The following SYPL1 variants were observed in gnomAD, a reference collection of about 807,000 sequenced individuals.
SYPL1 encodes the protein synaptophysin like 1.
SYPL1 carries 6 observed loss-of-function variants against 23.7 expected under a neutral mutation model. The ratio of observed to expected loss-of-function variants is 0.25; its 90% CI spans 0.14 to 0.50. SYPL1 has a LOEUF of 0.50. SYPL1 is among the 20% of genes least tolerant of loss of function. The pLI, the probability that SYPL1 is intolerant of heterozygous loss-of-function variation, is 0.98. For synonymous variants in SYPL1, 102 were observed against 104.5 expected (o/e 0.98, Z 0.15); for missense variants, 253 against 288.9 (o/e 0.88, Z 0.90).
chr7:106,092,013 C>T, intron 4 of SYPL1, 74 bp from the exon 5 acceptor site: 2 of 1,416,858 alleles, frequency 1.4e-6, no homozygotes, highest in South Asian at 2.7e-5. Flanking sequence ...AAAAATCTCA[C>T]TTTTTCTTTA....
At chr7:106,094,336 G>A (rs1291319143) in intron 3 of SYPL1, among the ~76,000 whole-genome samples, 3 of 152,182 alleles carry the variant, frequency 2.0e-5, no homozygotes, top group Non-Finnish European at 4.4e-5. Context: ...ATAAATACCA[G>A]TGATCTCTTA....
intron 1 of SYPL1, among the ~76,000 whole-genome samples, chr7:106,110,703 GAACTT>G (rs1425991474): frequency 6.6e-6 from 1 of 152,178 alleles, no homozygotes; most frequent in Non-Finnish European, 1.5e-5. Context: ...AAACACGAAT[GAACTT>G]ATCACTAGTG....
In SYPL1 at chr7:106,104,281, T is replaced by C. The variant is rs769038399; in HGVS notation, c.70-4999A>G. Among the ~76,000 whole-genome samples the C allele has an allele frequency of 6.6e-5, 10 of 152,220 alleles. No individual in the cohort carries two copies. The highest frequency in any genetic ancestry group is 1.0e-4 in the Non-Finnish European group (7 of 68,042). On this transcript the variant is annotated intron_variant, in intron 1 of 4. Coordinates refer to ENST00000455385, the MANE Select transcript of SYPL1 (RefSeq NM_182715.4). The surrounding 1 kb of genome is among the most constrained non-coding windows in gnomAD (Gnocchi z 4.1). ...AAATGGGGCCGGGTGCAGTGGCTTA[T>C]GCCTGTAATTCCAACACTTTGGGAG...
intron 1 of SYPL1, among the ~76,000 whole-genome samples, chr7:106,111,342 T>C (rs1012401217): frequency 5.9e-5 from 9 of 152,226 alleles, no homozygotes; most frequent in African/African-American, 2.2e-4. Context: ...GCCGCGAAGT[T>C]TGAAGGAAGC....
chr7:106,099,253 A>C lies in SYPL1; in HGVS notation c.99T>G (p.Cys33Trp). Residue 33 changes from cysteine to tryptophan, a missense_variant, in exon 2 of 5, where the codon TGT (cysteine) becomes TGG (tryptophan). Coordinates refer to ENST00000455385, the MANE Select transcript of SYPL1 (RefSeq NM_182715.4). ...TTTCTGTTTGGCCCTTAAAACCTCC[A>C]CAGGTGGCAAAAGCAAAGATAGAAG... Reference protein sequence around the residue: ...WIASIFAFATCGGFKGQTEIQ... With the variant: ...WIASIFAFATWGGFKGQTEIQ... The C allele has an allele frequency of 6.2e-7, 1 of 1,613,686 alleles. No homozygotes were observed. Among genetic ancestry groups the C allele is most frequent in the Non-Finnish European group, 8.5e-7 (1 of 1,179,912 alleles).
Position 106,106,417 on chromosome 7 carries a change from T to C in SYPL1, c.69+5723A>G, listed in dbSNP as rs947539164. Among the ~76,000 whole-genome samples, 13 of 151,988 alleles carry C rather than the reference T, an allele frequency of 8.6e-5. 1 individual carries two copies. Among genetic ancestry groups the C allele is most frequent in the Non-Finnish European group, 4.4e-5 (3 of 67,988 alleles). On this transcript the variant is annotated intron_variant, in intron 1 of 4. Coordinates refer to ENST00000455385, the MANE Select transcript of SYPL1 (RefSeq NM_182715.4). Reference sequence around the variant, plus strand: ...ATCAAAAAAAATTAGCTGGGTGTGGTGGTGGGCACCTGTAATCCCAGCTAC... The same window carrying C: ...ATCAAAAAAAATTAGCTGGGTGTGGCGGTGGGCACCTGTAATCCCAGCTAC...
In SYPL1 at chr7:106,104,805, C is replaced by T. The variant is rs747651654; in HGVS notation, c.70-5523G>A. On this transcript the variant is annotated intron_variant, in intron 1 of 4. Coordinates refer to ENST00000455385, the MANE Select transcript of SYPL1 (RefSeq NM_182715.4). The surrounding 1 kb of genome is among the most constrained non-coding windows in gnomAD (Gnocchi z 4.1). ...ATGAGGGCAAAATATCCAACTATCT[C>T]ACTTCTCCCTATATTCTACTGCTAT... 4.1e-4 allele frequency among the ~76,000 whole-genome samples: 63 copies of T among 152,178 alleles called. No individual in the cohort carries two copies. Among genetic ancestry groups the T allele is most frequent in the Admixed American group, 1.2e-3 (18 of 15,278 alleles).
At chr7:106,094,543 A>C (rs901002492) in intron 3 of SYPL1, among the ~76,000 whole-genome samples, 1 of 152,210 alleles carries the variant, frequency 6.6e-6, no homozygotes, top group Non-Finnish European at 1.5e-5. Flanking sequence ...AATATAGCTT[A>C]TATTTTCTGC....
rs1790185610 is a variant in SYPL1, at chr7:106,112,062, GC to G, written c.69+77del. 3 of 1,247,958 alleles carry G rather than the reference GC, an allele frequency of 2.4e-6. No individual in the cohort carries two copies. The African/African-American group carries it at 4.7e-5, about 19-fold the overall frequency. 77.3% of individuals were successfully genotyped at this position (1,247,958 alleles called of 1,614,324 possible). On this transcript the variant is annotated intron_variant, in intron 1 of 4. Transcript: ENST00000455385. ...GCCCGCGCGGCAGGGCTGCGTCCCG[GC>G]TCGCAGGTCCCCGTCTCCCCGCCTA... is the stretch of plus-strand genomic sequence containing the variant.
chr7:106,112,024 C>G, intron 1 of SYPL1, 116 bp downstream of exon 1: 2 of 1,142,124 alleles, frequency 1.8e-6, no homozygotes, highest in African/African-American at 3.3e-5. Flanking sequence ...AGTCCCGGGG[C>G]GGCGGCCTCA....
intron 1 of SYPL1, among the ~76,000 whole-genome samples, chr7:106,103,080 A>G (rs1013843690): frequency 2.0e-5 from 3 of 152,216 alleles, no homozygotes; most frequent in Non-Finnish European, 2.9e-5. Context: ...ACTAGTATAT[A>G]GATCTAAGAG....
At chr7:106,093,514 A>G (rs1201140329) in intron 3 of SYPL1, among the ~76,000 whole-genome samples, 7 of 152,092 alleles carry the variant, frequency 4.6e-5, no homozygotes, top group South Asian at 4.2e-4. Context: ...CCATTTTCCC[A>G]TAACACCTCT....
chr7:106,109,717 G>A lies in SYPL1; in HGVS notation c.69+2423C>T, dbSNP rs1790049516. ...TGACATTACCTTGAATATGCTAATG[G>A]CAACGAAGTCAGAAAGACAGCAGTC... On this transcript the variant is annotated intron_variant, in intron 1 of 4. Coordinates refer to ENST00000455385, the MANE Select transcript of SYPL1 (RefSeq NM_182715.4). This position sits in a 1 kb window ranked among gnomAD's most constrained non-coding sequence, Gnocchi z 4.3. Among the ~76,000 whole-genome samples, 2 of 152,104 alleles carry A rather than the reference G, an allele frequency of 1.3e-5. No individual in the cohort carries two copies. The highest frequency in any genetic ancestry group is 2.1e-4 in the South Asian group (1 of 4,828).
intron 1 of SYPL1, among the ~76,000 whole-genome samples, chr7:106,110,116 C>A (rs1484856981): frequency 1.3e-5 from 2 of 152,150 alleles, no homozygotes; most frequent in African/African-American, 4.8e-5. Flanking sequence ...TATGCATTTT[C>A]CTAAGGAAAG....
rs1203985479 is a variant in SYPL1, at chr7:106,109,718, C to T, written c.69+2422G>A. On this transcript the variant is annotated intron_variant, in intron 1 of 4. Coordinates refer to ENST00000455385, the MANE Select transcript of SYPL1 (RefSeq NM_182715.4). This position sits in a 1 kb window ranked among gnomAD's most constrained non-coding sequence, Gnocchi z 4.3. Reference sequence around the variant, plus strand: ...GACATTACCTTGAATATGCTAATGGCAACGAAGTCAGAAAGACAGCAGTCA... The same window carrying T: ...GACATTACCTTGAATATGCTAATGGTAACGAAGTCAGAAAGACAGCAGTCA... Among the ~76,000 whole-genome samples, 1 of 152,178 alleles carries T rather than the reference C, an allele frequency of 6.6e-6. No individual in the cohort carries two copies. The highest frequency in any genetic ancestry group is 2.4e-5 in the African/African-American group (1 of 41,450).
At chr7:106,092,064 A>C in intron 4 of SYPL1, 125 bp from the exon 5 acceptor site, 1 of 887,836 alleles carries the variant, frequency 1.1e-6, no homozygotes, top group East Asian at 2.7e-5. Flanking sequence ...TATTTCACTT[A>C]AAGTTTAATA....
At chr7:106,094,555 C>T (rs1839918502) in intron 3 of SYPL1, among the ~76,000 whole-genome samples, 1 of 152,180 alleles carries the variant, frequency 6.6e-6, no homozygotes, top group African/African-American at 2.4e-5. Flanking sequence ...ATTTTCTGCA[C>T]TGTGGAAGTA....
intron 1 of SYPL1, among the ~76,000 whole-genome samples, chr7:106,102,946 A>T (rs1360566598): frequency 6.6e-6 from 1 of 152,244 alleles, no homozygotes; most frequent in Non-Finnish European, 1.5e-5. Context: ...TGTAAAAAAG[A>T]ACCATAAAAG....
At chr7:106,106,624 C>T (rs1002784923) in intron 1 of SYPL1, among the ~76,000 whole-genome samples, 6 of 150,900 alleles carry the variant, frequency 4.0e-5, no homozygotes, top group African/African-American at 1.5e-4. Flanking sequence ...GGCAGGTGAT[C>T]GTTTGAGCCC....
Sources: gnomAD v4.1 joint callset for allele counts (sites outside exome capture counted in the v4.1 genomes callset) on GRCh38, gnomAD v4.1.1 for gene constraint, Gnocchi (gnomAD v3.1) non-coding constraint, MANE v1.5 for transcripts, NCBI Gene and HGNC (gene_info 2026-07-23, HGNC 2026-07-21) for gene names.